Variants in MYO10 observed in about 807,000 individuals in gnomAD.
MYO10 encodes myosin X, also known as unconventional myosin-X.
MYO10 carries 133 observed loss-of-function variants against 257.3 expected under a neutral mutation model. The ratio of observed to expected loss-of-function variants is 0.52; its 90% confidence interval spans 0.45 to 0.60. The LOEUF is 0.60. Ranked by LOEUF, MYO10 falls within the 20% of genes least tolerant of loss-of-function variation. MYO10 has a pLI of 0.00. For synonymous variants in MYO10, 1,104 were observed against 1,028.6 expected, an observed-to-expected ratio of 1.07 and a Z score of -1.40; for missense variants, 2,399 against 2,635.7, an observed-to-expected ratio of 0.91 and a Z score of 1.97.
At chr5:16,682,973 C>T (rs1457698760) in intron 30 of MYO10, among the ~76,000 whole-genome samples, 1 of 152,010 alleles carries the variant, frequency 6.6e-6, no homozygotes, top group Non-Finnish European at 1.5e-5. Flanking sequence ...TAGAAACTCA[C>T]ATACCAGAAT....
At chr5:16,872,994 T>C (rs1321331627) in intron 2 of MYO10, among the ~76,000 whole-genome samples, 1 of 152,110 alleles carries the variant, frequency 6.6e-6, no homozygotes, top group Non-Finnish European at 1.5e-5. Flanking sequence ...CCAAATCTCA[T>C]GTCCTCACAT....
At chr5:16,762,502 C>T (rs771077400) in intron 15 of MYO10, 43 bp downstream of exon 15, 10 of 1,465,170 alleles carry the variant, frequency 6.8e-6, no homozygotes, top group Admixed American at 3.9e-5. Context: ...AACCCACAGA[C>T]GTGCTACTCC....
rs749884035 is a variant in MYO10 at position 16,670,588 on chromosome 5, C to T, written c.5821G>A (p.Ala1941Thr). Residue 1941 changes from alanine to threonine, a missense_variant, in exon 39 of 41, where the codon GCC (alanine) becomes ACC (threonine). Around this residue, in one of 3 missense-constraint regions of MYO10, gnomAD observed 1,820 missense variants for 1,939.4 expected, o/e 0.94. Transcript: ENST00000513610. ...FQGMNQEQAM[A>T]KYMALIKEWP... is the part of the protein sequence containing the mutation. ...TCCTTGATCAAGGCCATGTACTTGG[C>T]CATGGCCTGTTCCTGGTTCATTCCC... 3 of 1,613,966 alleles carry T rather than the reference C, an allele frequency of 1.9e-6. No individual in the cohort carries two copies. In the Admixed American group the frequency reaches 5.0e-5, roughly 27 times the overall value.
chr5:16,787,715 G>T (rs1184812661), intron 4 of MYO10, among the ~76,000 whole-genome samples: 1 of 151,090 alleles, frequency 6.6e-6, no homozygotes, highest in African/African-American at 2.4e-5. Context: ...AAAATTGTGA[G>T]AATTTTTTGT....
chr5:16,838,445 CT>C lies in MYO10; in HGVS notation c.121-20279del, dbSNP rs531495047. On this transcript the variant is annotated intron_variant, in intron 2 of 40. Coordinates refer to ENST00000513610, the MANE Select transcript of MYO10 (RefSeq NM_012334.3). ...TAATCCAGAGCAAGGCCCTCATTCTCTTCAATTCTATCAAGGCTGAGAGGTC... is the reference window on the plus strand; with the variant it reads ...TAATCCAGAGCAAGGCCCTCATTCTCTCAATTCTATCAAGGCTGAGAGGTC... 2.5e-3 allele frequency among the ~76,000 whole-genome samples: 387 copies of C among 152,302 alleles called. 3 individuals carry two copies. The highest frequency in any genetic ancestry group is 8.9e-3 in the African/African-American group (370 of 41,556).
At chr5:16,674,625 T>C (rs1018758135) in intron 35 of MYO10, among the ~76,000 whole-genome samples, 1 of 151,890 alleles carries the variant, frequency 6.6e-6, no homozygotes, top group Admixed American at 6.6e-5. Flanking sequence ...TCCTATACAT[T>C]AGGACATTAC....
intron 1 of MYO10, among the ~76,000 whole-genome samples, chr5:16,932,470 T>C (rs1746317676): frequency 6.6e-6 from 1 of 152,190 alleles, no homozygotes; most frequent in Non-Finnish European, 1.5e-5. Flanking sequence ...CTGTTTGCTT[T>C]TTTTATTATT....
intron 23 of MYO10, 89 bp downstream of exon 23, chr5:16,702,836 T>G: frequency 8.1e-7 from 1 of 1,239,408 alleles, no homozygotes; most frequent in Non-Finnish European, 1.1e-6. Context: ...CTGGGGCATC[T>G]GCTGGGATTT....
intron 28 of MYO10, among the ~76,000 whole-genome samples, chr5:16,687,884 G>C (rs1254741388): frequency 6.6e-6 from 1 of 151,960 alleles, no homozygotes; most frequent in South Asian, 2.1e-4. Context: ...CATACACAAA[G>C]GCATCAAATT....
chr5:16,869,186 G>T (rs901900417), intron 2 of MYO10, among the ~76,000 whole-genome samples: 1 of 137,950 alleles, frequency 7.2e-6, no homozygotes, highest in Non-Finnish European at 1.5e-5. Flanking sequence ...CACCACACCC[G>T]GCTAATTTTT....
chr5:16,805,185 G>A (rs1742235621), intron 3 of MYO10, among the ~76,000 whole-genome samples: 1 of 152,042 alleles, frequency 6.6e-6, no homozygotes, highest in Non-Finnish European at 1.5e-5. Flanking sequence ...AATTCTGGCT[G>A]GGTGCAGTGG....
At chr5:16,867,345 G>A (rs973504056) in intron 2 of MYO10, among the ~76,000 whole-genome samples, 2 of 152,094 alleles carry the variant, frequency 1.3e-5, no homozygotes, top group Admixed American at 1.3e-4. Context: ...ACAGGCTTGC[G>A]GAAGATTTTT....
intron 30 of MYO10, among the ~76,000 whole-genome samples, chr5:16,682,322 AT>A (rs369109191): frequency 3.3e-5 from 5 of 151,532 alleles, no homozygotes; most frequent in South Asian, 2.1e-4. Context: ...ATGAGGGAAA[AT>A]TTTTTTTTGA....
intron 3 of MYO10, among the ~76,000 whole-genome samples, chr5:16,816,549 T>C (rs1394141897): frequency 6.6e-6 from 1 of 151,646 alleles, no homozygotes; most frequent in African/African-American, 2.4e-5. Context: ...TTTTTTTTTT[T>C]TTGAGATGGA....
intron 4 of MYO10, among the ~76,000 whole-genome samples, chr5:16,791,530 G>A (rs1188803275): frequency 7.8e-6 from 1 of 128,642 alleles, no homozygotes; most frequent in African/African-American, 3.2e-5. Flanking sequence ...ACCTCCTTCC[G>A]TTTTAATACA....
intron 3 of MYO10, among the ~76,000 whole-genome samples, chr5:16,807,620 C>T (rs925996434): frequency 2.0e-5 from 3 of 152,056 alleles, no homozygotes; most frequent in African/African-American, 4.8e-5. Context: ...CAGCATGCAA[C>T]CTTTGTTCTG....
chr5:16,693,977 G>A (rs982915792), intron 27 of MYO10, among the ~76,000 whole-genome samples: 4 of 152,178 alleles, frequency 2.6e-5, no homozygotes, highest in African/African-American at 9.7e-5. Context: ...CAGTCTGTCT[G>A]CTTTTAATTT....
intron 4 of MYO10, among the ~76,000 whole-genome samples, chr5:16,794,242 T>A (rs77542278): frequency 0.02 from 2,988 of 152,188 alleles, 95 homozygotes; most frequent in African/African-American, 0.069. Context: ...TTCACATACA[T>A]AAGCCTTGTG....
At chr5:16,839,784 G>T (rs368361428) in intron 2 of MYO10, among the ~76,000 whole-genome samples, 5 of 150,524 alleles carry the variant, frequency 3.3e-5, no homozygotes, top group African/African-American at 1.2e-4. Context: ...CTTTGTGTGA[G>T]ATGATTTTGC....
Sources: gnomAD v4.1 joint callset for allele counts (sites outside exome capture counted in the v4.1 genomes callset) on GRCh38, gnomAD v4.1.1 for gene constraint, gnomAD v4.1.1 regional missense constraint, MANE v1.5 for transcripts, NCBI Gene and HGNC (gene_info 2026-07-23, HGNC 2026-07-21) for gene names.